The following RBFOX1 variants were observed in gnomAD, a reference collection of about 807,000 sequenced individuals.
RBFOX1 encodes the protein RNA binding fox-1 homolog 1.
In RBFOX1, 8 loss-of-function variants were observed where a neutral mutation model predicts 57.7. The observed-to-expected ratio is 0.14, with a 90% CI of 0.08 to 0.25. The LOEUF (loss-of-function observed/expected upper bound fraction) is 0.25. Ranked by LOEUF, RBFOX1 falls within the 10% of genes least tolerant of loss-of-function variation. The probability of loss-of-function intolerance (pLI) is 1.00; values close to 1 mark genes in which losing one functional copy is unlikely to be tolerated. For synonymous variants in RBFOX1, 326 were observed against 222.4 expected, an observed-to-expected ratio of 1.47 and a Z score of -4.15; for missense variants, 611 against 548.5, an observed-to-expected ratio of 1.11 and a Z score of -1.14.
intron 4 of RBFOX1, among the ~76,000 whole-genome samples, chr16:7,453,878 A>G (rs1209594594): frequency 9.2e-5 from 14 of 152,200 alleles, no homozygotes; most frequent in Non-Finnish European, 1.6e-4. Flanking sequence ...ACCAAAGGCT[A>G]GAAGTTGTCC....
intron 2 of RBFOX1, among the ~76,000 whole-genome samples, chr16:6,610,838 A>G (rs949504378): frequency 6.6e-6 from 1 of 152,156 alleles, no homozygotes; most frequent in African/African-American, 2.4e-5. Flanking sequence ...CATACATACC[A>G]CTTATGAATT....
intron 3 of RBFOX1, among the ~76,000 whole-genome samples, chr16:6,992,485 A>T (rs2091649485): frequency 6.6e-6 from 1 of 152,102 alleles, no homozygotes; most frequent in African/African-American, 2.4e-5. Context: ...AAGTGCTGGG[A>T]TTACAGGCGT....
intron 5 of RBFOX1, among the ~76,000 whole-genome samples, chr16:7,546,919 C>T (rs1469367293): frequency 6.6e-6 from 1 of 152,184 alleles, no homozygotes; most frequent in Non-Finnish European, 1.5e-5. Context: ...AGTAGAACTT[C>T]TGGGTCAAAG....
At chr16:6,245,364 T>G (rs1363081471) in intron 1 of RBFOX1, among the ~76,000 whole-genome samples, 1 of 152,104 alleles carries the variant, frequency 6.6e-6, no homozygotes, top group African/African-American at 2.4e-5. Context: ...CTTTTTATGG[T>G]TATTTAAGAC....
chr16:7,509,390 CTGTGTGTGTGTGTGTG>C (rs34760329), intron 4 of RBFOX1, among the ~76,000 whole-genome samples: 15 of 145,166 alleles, frequency 1.0e-4, no homozygotes, highest in African/African-American at 3.3e-4. Context: ...GAGCCAAGCC[CTGTGTGTGTGTGTGTG>C]TGTGTGTGTG....
At chr16:6,109,861 A>G (rs1386109473) in intron 1 of RBFOX1, among the ~76,000 whole-genome samples, 3 of 152,206 alleles carry the variant, frequency 2.0e-5, no homozygotes, top group African/African-American at 7.2e-5. Flanking sequence ...GATATTATAT[A>G]AATTTCTTAA....
At chr16:5,588,949 G>A (rs2046920739) in intron 2 of RBFOX1, among the ~76,000 whole-genome samples, 1 of 152,174 alleles carries the variant, frequency 6.6e-6, no homozygotes, top group South Asian at 2.1e-4. Flanking sequence ...CAGAAACAAA[G>A]AGTTGAGGAT....
intron 2 of RBFOX1, among the ~76,000 whole-genome samples, chr16:5,496,600 G>T (rs2043010455): frequency 6.6e-6 from 1 of 152,110 alleles, no homozygotes; most frequent in Admixed American, 6.6e-5. Context: ...CTTAGTCACA[G>T]ATGTCGGCCA....
At chr16:5,528,196 G>A (rs2044318142) in intron 2 of RBFOX1, among the ~76,000 whole-genome samples, 1 of 152,152 alleles carries the variant, frequency 6.6e-6, no homozygotes, top group Non-Finnish European at 1.5e-5. Context: ...ATTCCCGTGA[G>A]CTTCCTTGAC....
chr16:7,035,939 C>G (rs1467033664), intron 3 of RBFOX1, among the ~76,000 whole-genome samples: 2 of 152,166 alleles, frequency 1.3e-5, no homozygotes, highest in Non-Finnish European at 2.9e-5. Flanking sequence ...CCAGCCAACC[C>G]TTTCAGACAA....
chr16:6,036,106 C>G (rs568108874), intron 1 of RBFOX1, among the ~76,000 whole-genome samples: 1 of 152,276 alleles, frequency 6.6e-6, no homozygotes, highest in Admixed American at 6.5e-5. Flanking sequence ...GAGGCAGCCA[C>G]CTGAGGGTGA....
intron 3 of RBFOX1, among the ~76,000 whole-genome samples, chr16:6,777,298 C>G (rs1567198965): frequency 1.3e-5 from 2 of 152,076 alleles, no homozygotes; most frequent in Admixed American, 6.6e-5. Flanking sequence ...TTGATTAGTA[C>G]TACTGCATTT....
intron 3 of RBFOX1, among the ~76,000 whole-genome samples, chr16:6,788,595 C>A (rs938287357): frequency 6.6e-6 from 1 of 151,982 alleles, no homozygotes; most frequent in African/African-American, 2.4e-5. Context: ...CCTGCCTCAG[C>A]CTCCCGAGTA....
intron 3 of RBFOX1, among the ~76,000 whole-genome samples, chr16:5,680,649 T>G (rs1231876395): frequency 6.6e-6 from 1 of 152,094 alleles, no homozygotes; most frequent in East Asian, 1.9e-4. Flanking sequence ...GAGAAATAGT[T>G]GAGAGGGAAG....
chr16:6,129,719 A>T (rs1190498206), intron 1 of RBFOX1, among the ~76,000 whole-genome samples: 1 of 150,536 alleles, frequency 6.6e-6, no homozygotes, highest in Non-Finnish European at 1.5e-5. Context: ...AAAAAAAAGA[A>T]CTAAACTCAG....
chr16:6,142,204 A>AAAG lies in RBFOX1; in HGVS notation c.-127+122214_-127+122215insGAA, dbSNP rs1461589334. 1.3e-4 allele frequency among the ~76,000 whole-genome samples: 20 copies of AAAG among 149,196 alleles called. 1 individual carries two copies. The highest frequency in any genetic ancestry group is 8.0e-4 in the Admixed American group (12 of 15,000). ...GCTGCTGCTGCAAAAAAAAAAAAAA[A>AAAG]AAAAAAAAAAAATCCAACTCTTTTT... is the stretch of plus-strand genomic sequence containing the variant. On this transcript the variant is annotated intron_variant, in intron 1 of 15. Transcript: ENST00000550418.
At chr16:7,609,998 A>G (rs968335275) in intron 10 of RBFOX1, among the ~76,000 whole-genome samples, 19 of 143,122 alleles carry the variant, frequency 1.3e-4, no homozygotes, top group African/African-American at 5.0e-4. Context: ...TTGTATTTTT[A>G]GTGGAGATGG....
chr16:6,430,658 C>T (rs769341915), intron 2 of RBFOX1, among the ~76,000 whole-genome samples: 1 of 151,856 alleles, frequency 6.6e-6, no homozygotes, highest in Non-Finnish European at 1.5e-5. Flanking sequence ...GATGGGGGAG[C>T]GGGATGGTCA....
rs185901529 is a variant in RBFOX1 at position 5,391,409 on chromosome 16, C to T, written c.220-75807C>T. On this transcript the variant is annotated intron_variant, in intron 1 of 2. Transcript: ENST00000585867. The stretch of plus-strand genomic sequence containing the variant: ...TTCCTTCACTAGTGGCTTCTGCTTC[C>T]GTCTTCAAAGCTAGCCAGGAAGGGT... Among the ~76,000 whole-genome samples, 157 of 152,160 alleles carry T rather than the reference C, an allele frequency of 1.0e-3. 2 individuals are homozygous for T. The East Asian group carries it at 0.023, about 22-fold the overall frequency.
Sources: gnomAD v4.1 joint callset for allele counts (sites outside exome capture counted in the v4.1 genomes callset) on GRCh38, gnomAD v4.1.1 for gene constraint, MANE v1.5 for transcripts, NCBI Gene and HGNC (gene_info 2026-07-23, HGNC 2026-07-21) for gene names.